ERBB4: variants seen among roughly 807,000 people sequenced by gnomAD.
ERBB4 encodes the protein erb-b2 receptor tyrosine kinase 4.
A neutral mutation model predicts 158.0 loss-of-function variants in ERBB4; 42 were observed. The ratio of observed to expected loss-of-function variants is 0.27; its 90% confidence interval spans 0.21 to 0.34. The LOEUF is 0.34. Among genes scored for constraint, ERBB4 ranks in the 10% least tolerant of loss-of-function variants. ERBB4 has a pLI of 1.00. For missense variants in ERBB4, 1,333 were observed against 1,624.1 expected, an observed-to-expected ratio of 0.82 and a Z score of 3.08; for synonymous variants, 583 against 558.7, an observed-to-expected ratio of 1.04 and a Z score of -0.61.
intron 1 of ERBB4, among the ~76,000 whole-genome samples, chr2:212,333,693 C>CAAAAAAAAAAA (rs11312810): frequency 9.2e-4 from 136 of 147,532 alleles, no homozygotes; most frequent in African/African-American, 3.3e-3. Context: ...GATTCTGTAC[C>CAAAAAAAAAAA]AAAAAAAAAA....
intron 14 of ERBB4, among the ~76,000 whole-genome samples, chr2:211,667,644 G>A (rs2105925098): frequency 6.6e-6 from 1 of 152,196 alleles, no homozygotes; most frequent in East Asian, 1.9e-4. Context: ...ATGACTTATT[G>A]TACAAGACAA....
Position 211,994,335 on chromosome 2 carries a change from G to A in ERBB4, c.235-46719C>T, listed in dbSNP as rs368541643. 1.7e-4 allele frequency among the ~76,000 whole-genome samples: 26 copies of A among 151,856 alleles called. No homozygotes were observed. In the East Asian group the frequency reaches 5.0e-3, roughly 29 times the overall value. ...AATTGTAGAGACACAGTTTTGCTAT[G>A]TTGCCAAGTCTGGCCTCAAACTCCT... On this transcript the variant is annotated intron_variant, in intron 2 of 27. Transcript: ENST00000342788.
chr2:212,425,230 A>T (rs2091881573), intron 1 of ERBB4, among the ~76,000 whole-genome samples: 1 of 150,222 alleles, frequency 6.7e-6, no homozygotes, highest in Non-Finnish European at 1.5e-5. Flanking sequence ...ATATTTGCTC[A>T]CATTAAAAAA....
chr2:211,718,510 A>G (rs1325941082), intron 7 of ERBB4, among the ~76,000 whole-genome samples: 2 of 152,182 alleles, frequency 1.3e-5, no homozygotes, highest in Admixed American at 1.3e-4. Context: ...TCTTATACAC[A>G]TGACCTGAGG....
At chr2:212,191,391 T>C (rs2125710035) in intron 1 of ERBB4, among the ~76,000 whole-genome samples, 1 of 152,126 alleles carries the variant, frequency 6.6e-6, no homozygotes, top group Non-Finnish European at 1.5e-5. Flanking sequence ...AAATGTAATG[T>C]GTATTAGGAA....
At chr2:212,401,509 A>C (rs1378177640) in intron 1 of ERBB4, among the ~76,000 whole-genome samples, 2 of 152,032 alleles carry the variant, frequency 1.3e-5, no homozygotes, top group African/African-American at 4.8e-5. Context: ...ACACTACTAA[A>C]ACAGATCTGC....
At chr2:212,021,942 T>G (rs917356534) in intron 2 of ERBB4, among the ~76,000 whole-genome samples, 3 of 152,072 alleles carry the variant, frequency 2.0e-5, no homozygotes, top group African/African-American at 7.2e-5. Flanking sequence ...CATTGATTAT[T>G]AGAGAAATGC....
intron 1 of ERBB4, among the ~76,000 whole-genome samples, chr2:212,173,565 C>T (rs1245498080): frequency 2.0e-5 from 3 of 152,132 alleles, no homozygotes; most frequent in Non-Finnish European, 2.9e-5. Flanking sequence ...TGGTATATAA[C>T]GATATCTACT....
chr2:212,252,636 G>C (rs1050421981), intron 1 of ERBB4, among the ~76,000 whole-genome samples: 1 of 151,996 alleles, frequency 6.6e-6, no homozygotes, highest in Admixed American at 6.6e-5. Flanking sequence ...GATGTAGCCA[G>C]GGGAAAAATT....
intron 1 of ERBB4, among the ~76,000 whole-genome samples, chr2:212,429,914 C>A (rs186025480): frequency 6.6e-6 from 1 of 152,100 alleles, no homozygotes; most frequent in East Asian, 1.9e-4. Context: ...TAATTAATAT[C>A]TGTTATAGTT....
At chr2:211,573,231 G>A (rs2067786446) in intron 19 of ERBB4, among the ~76,000 whole-genome samples, 2 of 152,134 alleles carry the variant, frequency 1.3e-5, no homozygotes, top group African/African-American at 4.8e-5. Flanking sequence ...GTAGCCACCC[G>A]CAGCTGGAGG....
intron 25 of ERBB4, among the ~76,000 whole-genome samples, chr2:211,402,024 G>A (rs953290562): frequency 6.6e-6 from 1 of 151,742 alleles, no homozygotes; most frequent in Non-Finnish European, 1.5e-5. Context: ...ATGATCCAAT[G>A]AAAGGAAATA....
At chr2:212,313,808 A>G (rs1246965483) in intron 1 of ERBB4, among the ~76,000 whole-genome samples, 1 of 151,042 alleles carries the variant, frequency 6.6e-6, no homozygotes, top group South Asian at 2.1e-4. Context: ...CTTGGGTAAC[A>G]TCTATTAATT....
intron 3 of ERBB4, among the ~76,000 whole-genome samples, chr2:211,876,264 G>A (rs2078498316): frequency 6.6e-6 from 1 of 152,030 alleles, no homozygotes; most frequent in Admixed American, 6.6e-5. Flanking sequence ...CACGTCAGTA[G>A]GTATTTTGGA....
intron 3 of ERBB4, among the ~76,000 whole-genome samples, chr2:211,800,987 A>G (rs1254805781): frequency 6.6e-6 from 1 of 152,226 alleles, no homozygotes; most frequent in Non-Finnish European, 1.5e-5. Context: ...ATAAACTTAT[A>G]AAGAATTTAT....
chr2:212,361,048 C>A (rs1242024106), intron 1 of ERBB4, among the ~76,000 whole-genome samples: 1 of 151,538 alleles, frequency 6.6e-6, no homozygotes, highest in Non-Finnish European at 1.5e-5. Flanking sequence ...ACAAAAGTGA[C>A]CAAAAGTTTT....
At chr2:212,363,478 C>T (rs2089768888) in intron 1 of ERBB4, among the ~76,000 whole-genome samples, 2 of 151,430 alleles carry the variant, frequency 1.3e-5, no homozygotes, top group South Asian at 4.1e-4. Context: ...ATCATCATTA[C>T]ACTGAATTCT....
chr2:211,561,165 CATG>C (rs1202608706), intron 20 of ERBB4, among the ~76,000 whole-genome samples: 2 of 152,110 alleles, frequency 1.3e-5, no homozygotes, highest in East Asian at 3.8e-4. Context: ...TAGCAGACTG[CATG>C]ATAAGAATGC....
intron 3 of ERBB4, among the ~76,000 whole-genome samples, chr2:211,798,554 C>T (rs2076431688): frequency 6.6e-6 from 1 of 151,998 alleles, no homozygotes. Flanking sequence ...TACAAAACTC[C>T]AGTTACATAC....
Sources: gnomAD v4.1 joint callset for allele counts (sites outside exome capture counted in the v4.1 genomes callset) on GRCh38, gnomAD v4.1.1 for gene constraint, MANE v1.5 for transcripts, NCBI Gene and HGNC (gene_info 2026-07-23, HGNC 2026-07-21) for gene names.